The following NRXN3 variants were observed in gnomAD, a reference collection of about 807,000 sequenced individuals.
NRXN3 encodes neurexin III.
Under a neutral mutation model 137.6 loss-of-function variants are expected in NRXN3, and 32 were observed. That is an observed-to-expected ratio of 0.23 (90% CI 0.18 to 0.31). The LOEUF is 0.31. Ranked by LOEUF, NRXN3 falls within the 10% of genes least tolerant of loss-of-function variation. The pLI, the probability that NRXN3 is intolerant of heterozygous loss-of-function variation, is 1.00. For synonymous variants in NRXN3, 798 were observed against 784.5 expected (o/e 1.02, Z -0.29); for missense variants, 1,574 against 2,062.5 (o/e 0.76, Z 4.59).
chr14:79,556,281 G>A (rs1437963028), intron 16 of NRXN3, among the ~76,000 whole-genome samples: 1 of 152,098 alleles, frequency 6.6e-6, no homozygotes, highest in Non-Finnish European at 1.5e-5. Flanking sequence ...TGAGAGGTAA[G>A]CACGGACAAG....
At chr14:78,678,622 C>A (rs1393629187) in intron 6 of NRXN3, among the ~76,000 whole-genome samples, 1 of 152,084 alleles carries the variant, frequency 6.6e-6, no homozygotes, top group African/African-American at 2.4e-5. Context: ...TATAAATATT[C>A]CAGTTTCCTT....
intron 15 of NRXN3, among the ~76,000 whole-genome samples, chr14:79,310,704 GGGA>G (rs1469183336): frequency 1.1e-5 from 1 of 87,500 alleles, no homozygotes; most frequent in Non-Finnish European, 2.1e-5. Flanking sequence ...AATTGTGAAT[GGGA>G]GTTCACTCAT....
At chr14:79,558,559 C>CTTTT (rs953058150) in intron 16 of NRXN3, among the ~76,000 whole-genome samples, 1 of 140,342 alleles carries the variant, frequency 7.1e-6, no homozygotes, top group African/African-American at 2.6e-5. Flanking sequence ...TTCTCTCTCT[C>CTTTT]TTTTTTTTTT....
chr14:78,720,291 A>G (rs1392011823), intron 8 of NRXN3, among the ~76,000 whole-genome samples: 2 of 152,224 alleles, frequency 1.3e-5, no homozygotes, highest in Non-Finnish European at 2.9e-5. Context: ...CCATTTGGAT[A>G]TCTGATAGAT....
chr14:79,150,080 G>T (rs2059662306), intron 15 of NRXN3, among the ~76,000 whole-genome samples: 1 of 151,978 alleles, frequency 6.6e-6, no homozygotes, highest in Non-Finnish European at 1.5e-5. Flanking sequence ...ACACAGGCAA[G>T]CATGTCTAAC....
Position 79,014,985 on chromosome 14 carries a change from G to A in NRXN3, c.3262+26844G>A, listed in dbSNP as rs531123435. 3.1e-4 allele frequency among the ~76,000 whole-genome samples: 47 copies of A among 152,206 alleles called. No individual in the cohort carries two copies. In the South Asian group the frequency reaches 9.1e-3, roughly 30 times the overall value. On this transcript the variant is annotated intron_variant, in intron 15 of 20. Coordinates refer to ENST00000335750, the MANE Select transcript of NRXN3 (RefSeq NM_001330195.2). ...ATGCAGAGTTCCCAGCCATCCCTCT[G>A]TCAGCCCAGCACCTGTGTCTTCCCA...
chr14:79,093,644 C>A (rs1279068559), intron 15 of NRXN3, among the ~76,000 whole-genome samples: 2 of 152,106 alleles, frequency 1.3e-5, no homozygotes, highest in Non-Finnish European at 2.9e-5. Flanking sequence ...TTAAGTGTGG[C>A]AACTTTGAGA....
intron 19 of NRXN3, among the ~76,000 whole-genome samples, chr14:79,798,672 C>G (rs777769777): frequency 6.6e-6 from 1 of 152,126 alleles, no homozygotes; most frequent in Non-Finnish European, 1.5e-5. Flanking sequence ...TTGATTATCC[C>G]TCAAAATGAT....
At chr14:78,726,290 A>G (rs936041142) in intron 8 of NRXN3, among the ~76,000 whole-genome samples, 3 of 152,098 alleles carry the variant, frequency 2.0e-5, no homozygotes, top group African/African-American at 7.2e-5. Context: ...TGCTGCACCC[A>G]TCAACCCATC....
rs1436082536 is a variant in NRXN3 at position 79,864,469 on chromosome 14, CA to C, written c.*2506del. The C allele has an allele frequency of 6.6e-6, 1 of 152,624 alleles. No homozygotes were observed. Among genetic ancestry groups the C allele is most frequent in the Non-Finnish European group, 1.5e-5 (1 of 68,052 alleles). 9.5% of individuals were successfully genotyped at this position (152,624 alleles called of 1,614,324 possible). Reference sequence around the variant, plus strand: ...TTTCTTAACATTTGAGAAAATCTCGCACTGAAGCTAATTATGTCATATCTTA... The same window carrying C: ...TTTCTTAACATTTGAGAAAATCTCGCCTGAAGCTAATTATGTCATATCTTA... On this transcript the variant is annotated 3_prime_UTR_variant, in exon 21 of 21. Transcript: ENST00000335750.
At chr14:78,515,340 C>T (rs1039199833) in intron 4 of NRXN3, among the ~76,000 whole-genome samples, 14 of 152,016 alleles carry the variant, frequency 9.2e-5, no homozygotes, top group African/African-American at 3.4e-4. Flanking sequence ...TGTCAGTTTC[C>T]TGAAATTTAT....
intron 16 of NRXN3, among the ~76,000 whole-genome samples, chr14:79,602,196 T>C (rs1215250945): frequency 6.6e-6 from 1 of 152,210 alleles, no homozygotes; most frequent in African/African-American, 2.4e-5. Flanking sequence ...ACAGGATTAA[T>C]AGCCCAGTTC....
chr14:78,364,745 A>T (rs1226026472), intron 4 of NRXN3, among the ~76,000 whole-genome samples: 79 of 152,284 alleles, frequency 5.2e-4, no homozygotes, highest in Non-Finnish European at 8.8e-5. Flanking sequence ...CATCCACAAA[A>T]TAGACAGGTG....
At chr14:79,107,664 TAAC>T (rs2052692696) in intron 15 of NRXN3, among the ~76,000 whole-genome samples, 4 of 152,224 alleles carry the variant, frequency 2.6e-5, no homozygotes, top group South Asian at 4.2e-4. Context: ...TGGGTAGTGC[TAAC>T]AACATTTGCC....
intron 4 of NRXN3, among the ~76,000 whole-genome samples, chr14:78,522,345 T>A (rs2096295810): frequency 6.6e-6 from 1 of 152,202 alleles, no homozygotes; most frequent in African/African-American, 2.4e-5. Flanking sequence ...GAGGTGTGCC[T>A]AACTCTAAAT....
chr14:79,501,717 C>T (rs1433208027), intron 16 of NRXN3, among the ~76,000 whole-genome samples: 2 of 149,220 alleles, frequency 1.3e-5, no homozygotes. Context: ...AAATTAGCCT[C>T]CTCTTTGAGC....
intron 4 of NRXN3, among the ~76,000 whole-genome samples, chr14:78,344,217 G>C (rs572763800): frequency 6.6e-6 from 1 of 152,164 alleles, no homozygotes; most frequent in Non-Finnish European, 1.5e-5. Flanking sequence ...CACACATGTG[G>C]GTTTGCCCTC....
At chr14:79,805,290 T>C (rs2099199822) in intron 20 of NRXN3, 100 bp downstream of exon 20, 5 of 752,200 alleles carry the variant, frequency 6.6e-6, no homozygotes, top group African/African-American at 3.5e-5. Flanking sequence ...ATATAGATTA[T>C]AGTGTGTTAA....
intron 6 of NRXN3, among the ~76,000 whole-genome samples, chr14:78,704,437 A>G (rs1024162348): frequency 1.8e-4 from 27 of 152,318 alleles, no homozygotes; most frequent in Admixed American, 1.6e-3. Context: ...GTGAACAAGA[A>G]TGCAGAAGCA....
Sources: allele counts gnomAD v4.1 joint callset (sites outside exome capture counted in the v4.1 genomes callset), GRCh38; gene constraint gnomAD v4.1.1; transcripts MANE v1.5; gene names NCBI Gene and HGNC (gene_info 2026-07-23, HGNC 2026-07-21).